Variants in WDR70 observed in about 807,000 individuals in gnomAD.
WDR70 encodes the protein WD repeat-containing protein 70.
A neutral mutation model predicts 88.6 loss-of-function variants in WDR70; 53 were observed. The observed-to-expected ratio is 0.60, with a 90% confidence interval of 0.48 to 0.75. WDR70 has a LOEUF of 0.75. Among genes scored for constraint, WDR70 ranks in the 30% least tolerant of loss-of-function variants. The pLI is 0.00. For synonymous variants in WDR70, 280 were observed against 270.0 expected (o/e 1.04, Z -0.36); for missense variants, 610 against 823.2 (o/e 0.74, Z 3.17).
intron 9 of WDR70, among the ~76,000 whole-genome samples, chr5:37,525,073 G>A (rs1162741793): frequency 6.6e-6 from 1 of 152,084 alleles, no homozygotes; most frequent in Non-Finnish European, 1.5e-5. Context: ...AGATCAACGA[G>A]ACAGCAAGTT....
intron 9 of WDR70, among the ~76,000 whole-genome samples, chr5:37,538,106 C>T (rs2112321863): frequency 6.6e-6 from 1 of 152,220 alleles, no homozygotes; most frequent in African/African-American, 2.4e-5. Flanking sequence ...TTATAAACTC[C>T]TCACTCCCTT....
rs1750526892 is a variant in WDR70, at chr5:37,437,966, G to A, written c.537G>A (p.Lys179=). Residue 179 remains lysine (K), a synonymous_variant, in exon 6 of 18, where the codon AAG becomes AAA. Transcript: ENST00000265107. ...CTGACTCGCATGAGATAACGCTGAA[G>A]CATGGCACTAAAACAGTAAGTTTAA... is the stretch of plus-strand genomic sequence containing the variant. ...KIPDSHEITL[K]HGTKTVSALG... is the part of the protein sequence containing the mutation. The A allele has an allele frequency of 1.2e-6, 2 of 1,610,374 alleles. No homozygotes were observed. Among genetic ancestry groups the A allele is most frequent in the Non-Finnish European group, 8.5e-7 (1 of 1,178,258 alleles).
chr5:37,531,480 A>G (rs1741481429), intron 9 of WDR70, among the ~76,000 whole-genome samples: 1 of 151,820 alleles, frequency 6.6e-6, no homozygotes, highest in African/African-American at 2.4e-5. Context: ...GCATACATAC[A>G]TATATATTTA....
chr5:37,465,031 A>G (rs551883171), intron 7 of WDR70, among the ~76,000 whole-genome samples: 16 of 152,374 alleles, frequency 1.1e-4, no homozygotes, highest in Non-Finnish European at 2.1e-4. Context: ...ACATTTGGTC[A>G]AACTTGTAAT....
chr5:37,654,623 G>T (rs1229175682), intron 10 of WDR70, among the ~76,000 whole-genome samples: 2 of 152,158 alleles, frequency 1.3e-5, no homozygotes, highest in Non-Finnish European at 2.9e-5. Context: ...GAATCTGGGT[G>T]CTCCTGTATT....
At chr5:37,379,435 G>T in intron 1 of WDR70, 43 bp downstream of exon 1, 2 of 1,613,740 alleles carry the variant, frequency 1.2e-6, no homozygotes, top group Non-Finnish European at 1.7e-6. Flanking sequence ...GGCCGTGTCG[G>T]GGGAGCTGGG....
chr5:37,730,860 G>A (rs748918774), intron 17 of WDR70, among the ~76,000 whole-genome samples: 5 of 151,996 alleles, frequency 3.3e-5, no homozygotes, highest in South Asian at 2.1e-4. Context: ...ATTATTCGGC[G>A]CTATTTGCCT....
chr5:37,384,608 C>CAGTGAGCT (rs1336077308), intron 3 of WDR70, among the ~76,000 whole-genome samples: 1 of 133,234 alleles, frequency 7.5e-6, no homozygotes, highest in African/African-American at 2.8e-5. Flanking sequence ...TGCAGTGAGC[C>CAGTGAGCT]GAGATCTTGC....
chr5:37,412,276 A>T (rs10051627), intron 5 of WDR70, among the ~76,000 whole-genome samples: 2,025 of 152,074 alleles, frequency 0.013, 41 homozygotes, highest in African/African-American at 0.046. Flanking sequence ...AATCCCAGCT[A>T]CTCGGGAAGC....
chr5:37,396,321 A>G (rs1749010210), intron 4 of WDR70, 54 bp from the exon 5 acceptor site: 3 of 1,487,894 alleles, frequency 2.0e-6, no homozygotes, highest in South Asian at 3.0e-5. Flanking sequence ...ACTATTTCCA[A>G]AGTGTGCTCT....
chr5:37,630,923 A>C (rs1256876651), intron 10 of WDR70, among the ~76,000 whole-genome samples: 4 of 152,142 alleles, frequency 2.6e-5, no homozygotes, highest in Non-Finnish European at 5.9e-5. Flanking sequence ...GCATTTCTCC[A>C]GATGGAGCTG....
rs780170467 is a variant in WDR70 at position 37,396,488 on chromosome 5, A to T, written c.410A>T (p.Asp137Val). Reference protein sequence around the residue: ...VGKPVNFMEEDILGPLPPPLN... With the variant: ...VGKPVNFMEEVILGPLPPPLN... ...AAACCAGTTAATTTTATGGAGGAAG[A>T]TATCCTCGGTCCTTTACCTCCACCT... Residue 137 changes from aspartate to valine, a missense_variant, in exon 5 of 18, where the codon GAT (aspartate) becomes GTT (valine). Physicochemically the swap from Asp to Val is radical, Grantham distance 152. Coordinates refer to ENST00000265107, the MANE Select transcript of WDR70 (RefSeq NM_018034.4). 1.9e-6 allele frequency: 3 copies of T among 1,614,088 alleles called. No homozygotes were observed. The highest frequency in any genetic ancestry group is 2.5e-6 in the Non-Finnish European group (3 of 1,180,022).
At chr5:37,520,923 A>G (rs1237963159) in intron 9 of WDR70, among the ~76,000 whole-genome samples, 1 of 152,248 alleles carries the variant, frequency 6.6e-6, no homozygotes, top group East Asian at 1.9e-4. Context: ...GCAGTGTCTT[A>G]AGAAAATGAA....
intron 17 of WDR70, among the ~76,000 whole-genome samples, chr5:37,729,048 A>G (rs1216918617): frequency 1.3e-5 from 2 of 152,100 alleles, no homozygotes; most frequent in Admixed American, 6.6e-5. Flanking sequence ...TTGTTGCTCA[A>G]ATTGTTCCAC....
At chr5:37,442,713 G>GA (rs1266602705) in intron 6 of WDR70, among the ~76,000 whole-genome samples, 1 of 152,176 alleles carries the variant, frequency 6.6e-6, no homozygotes, top group Non-Finnish European at 1.5e-5. Context: ...TGTTTAAGGT[G>GA]AATATACCGA....
Position 37,380,605 on chromosome 5 carries a change from G to A in WDR70, c.92-997G>A, listed in dbSNP as rs190998653. ...GATCCGCCCGTCTCGGCCTCCGAAA[G>A]TGCTGGGATTACAGGCGTGAGCCAC... is the stretch of plus-strand genomic sequence containing the variant. On this transcript the variant is annotated intron_variant, in intron 2 of 17. Coordinates refer to ENST00000265107, the MANE Select transcript of WDR70 (RefSeq NM_018034.4). 1.0e-3 allele frequency among the ~76,000 whole-genome samples: 154 copies of A among 152,122 alleles called. 1 individual carries two copies. The highest frequency in any genetic ancestry group is 3.5e-3 in the African/African-American group (144 of 41,476).
chr5:37,707,966 T>A (rs1277991392), intron 13 of WDR70, among the ~76,000 whole-genome samples: 616 of 52,414 alleles, frequency 0.012, 14 homozygotes, highest in Non-Finnish European at 0.015. Context: ...TATATATATA[T>A]ATATATATAT....
chr5:37,595,889 T>A (rs1374032630), intron 9 of WDR70, among the ~76,000 whole-genome samples: 1 of 152,160 alleles, frequency 6.6e-6, no homozygotes, highest in Admixed American at 6.6e-5. Context: ...TATCCAAGCA[T>A]TTTAGGAATC....
chr5:37,480,441 T>A (rs530801294), intron 8 of WDR70, among the ~76,000 whole-genome samples: 2 of 152,330 alleles, frequency 1.3e-5, no homozygotes, highest in African/African-American at 4.8e-5. Context: ...GTTAATTGTT[T>A]CACAGTTCTG....
Sources: allele counts gnomAD v4.1 joint callset (sites outside exome capture counted in the v4.1 genomes callset), GRCh38; gene constraint gnomAD v4.1.1; transcripts MANE v1.5; gene names NCBI Gene and HGNC (gene_info 2026-07-23, HGNC 2026-07-21).